Variants in TRPC3 observed in about 807,000 individuals in gnomAD.
TRPC3 encodes the protein transient receptor potential cation channel subfamily C member 3.
TRPC3 carries 54 observed loss-of-function variants against 90.9 expected under a neutral mutation model. The observed-to-expected ratio is 0.59, with a 90% confidence interval of 0.48 to 0.75. The LOEUF is 0.75. Among genes scored for constraint, TRPC3 ranks in the 30% least tolerant of loss-of-function variants. The pLI, the probability that TRPC3 is intolerant of heterozygous loss-of-function variation, is 0.00. For missense variants in TRPC3, 918 were observed against 1,194.5 expected (o/e 0.77, Z 3.41); for synonymous variants, 424 against 450.9 (o/e 0.94, Z 0.75).
intron 11 of TRPC3, among the ~76,000 whole-genome samples, chr4:121,881,401 C>G (rs992892478): frequency 1.3e-5 from 2 of 151,990 alleles, no homozygotes; most frequent in Non-Finnish European, 2.9e-5. Context: ...CTCTCCACCC[C>G]CCATGGAGAT....
At chr4:121,947,462 AC>A (rs1484830597) in intron 1 of TRPC3, among the ~76,000 whole-genome samples, 1 of 152,064 alleles carries the variant, frequency 6.6e-6, no homozygotes, top group African/African-American at 2.4e-5. Flanking sequence ...TTTATACAAG[AC>A]CAGTGCCACA....
chr4:121,917,008 C>G (rs755199919), intron 3 of TRPC3, among the ~76,000 whole-genome samples: 15 of 152,140 alleles, frequency 9.9e-5, no homozygotes, highest in South Asian at 2.1e-4. Flanking sequence ...AGCCACCACG[C>G]CTGGCCGAGA....
At chr4:121,897,453 C>CAAAAAAAAAAAAAAAAAAAAAAAAAA (rs70950860) in intron 10 of TRPC3, among the ~76,000 whole-genome samples, 2 of 43,434 alleles carry the variant, frequency 4.6e-5, no homozygotes, top group African/African-American at 9.0e-5. Flanking sequence ...ATCTCAACAG[C>CAAAAAAAAAAAAAAAAAAAAAAAAAA]AAAAAAAAAA....
chr4:121,934,998 C>T (rs1730081906), intron 1 of TRPC3, among the ~76,000 whole-genome samples: 1 of 152,156 alleles, frequency 6.6e-6, no homozygotes, highest in African/African-American at 2.4e-5. Context: ...GTTTTATATA[C>T]ACATATGTGT....
chr4:121,911,910 A>T lies in TRPC3; in HGVS notation c.1525T>A (p.Trp509Arg). 1 of 1,613,802 alleles carries T rather than the reference A, an allele frequency of 6.2e-7. No homozygotes were observed. The highest frequency in any genetic ancestry group is 8.5e-7 in the Non-Finnish European group (1 of 1,179,758). Residue 509 changes from tryptophan (W) to arginine (R), a missense_variant, in exon 5 of 12, where the codon TGG becomes AGG. Physicochemically the swap from Trp to Arg is moderately radical, Grantham distance 101. Around this residue, in one of 4 missense-constraint regions of TRPC3, gnomAD observed 609 missense variants for 725.9 expected, o/e 0.84. Coordinates refer to ENST00000379645, the MANE Select transcript of TRPC3 (RefSeq NM_001130698.2). Reference sequence around the variant, plus strand: ...CAGACCATAATTAGCATTTCAGTCCATGTAAACTGGGTGGTTTTCACCCTG... The same window carrying T: ...CAGACCATAATTAGCATTTCAGTCCTTGTAAACTGGGTGGTTTTCACCCTG... ...IFRVKTTQFTWTEMLIMVWVL... is the reference protein window; with the variant it reads ...IFRVKTTQFTRTEMLIMVWVL...
In TRPC3 at chr4:121,951,697, C is replaced by T; in HGVS notation, c.-17G>A. On this transcript the variant is annotated 5_prime_UTR_variant, in exon 1 of 12. Coordinates refer to ENST00000379645, the MANE Select transcript of TRPC3 (RefSeq NM_001130698.2). The surrounding 1 kb of genome is among the most constrained non-coding windows in gnomAD (Gnocchi z 4.4). ...GGTGGACATCGCGCCGGCTGCGGTC[C>T]GAGTGTGGGGGTGCCGGCTGCCGGC... The T allele has an allele frequency of 1.5e-6, 2 of 1,304,742 alleles. No individual in the cohort carries two copies. The allele number at this position is 1,304,742 out of a possible 1,614,324, so 80.8% of individuals were successfully genotyped here. A position where few individuals can be genotyped will look rare whatever the true frequency, so the allele number is the denominator to read the frequency against.
At chr4:121,883,986 T>C (rs1286034092) in intron 10 of TRPC3, among the ~76,000 whole-genome samples, 1 of 152,166 alleles carries the variant, frequency 6.6e-6, no homozygotes, top group Non-Finnish European at 1.5e-5. Flanking sequence ...CAACAATGTT[T>C]GTAGCAACCC....
At chr4:121,880,598 T>C (rs1459163485) in intron 11 of TRPC3, among the ~76,000 whole-genome samples, 1 of 152,048 alleles carries the variant, frequency 6.6e-6, no homozygotes. Flanking sequence ...CATACGTATA[T>C]TGCAATTAAA....
chr4:121,927,972 G>A (rs1026810995), intron 2 of TRPC3, among the ~76,000 whole-genome samples: 8 of 152,066 alleles, frequency 5.3e-5, no homozygotes, highest in Non-Finnish European at 1.2e-4. Flanking sequence ...TCCATATAAA[G>A]CTTCCCTTTT....
chr4:121,918,727 G>T (rs773035354), intron 3 of TRPC3, among the ~76,000 whole-genome samples: 1 of 151,882 alleles, frequency 6.6e-6, no homozygotes, highest in African/African-American at 2.4e-5. Flanking sequence ...GGATTCTGTC[G>T]ATTCCATTTA....
intron 10 of TRPC3, among the ~76,000 whole-genome samples, chr4:121,895,105 C>T (rs116708224): frequency 2.5e-3 from 376 of 152,018 alleles, no homozygotes; most frequent in African/African-American, 8.6e-3. Context: ...TTTTAATATT[C>T]CTTGAAATGA....
At chr4:121,882,211 A>G (rs1398636211) in intron 11 of TRPC3, 143 bp downstream of exon 11, 3 of 633,740 alleles carry the variant, frequency 4.7e-6, no homozygotes, top group Non-Finnish European at 7.9e-6. Context: ...AGTTTTAGAA[A>G]CGTAACATAA....
Position 121,939,466 on chromosome 4 carries a change from G to A in TRPC3, c.216-6424C>T, listed in dbSNP as rs184342382. ...CTCTCCCACTTCTGACAGCAAAGCC[G>A]TGATGCTTACTGTCCTGGGAGGACA... On this transcript the variant is annotated intron_variant, in intron 1 of 11. Coordinates refer to ENST00000379645, the MANE Select transcript of TRPC3 (RefSeq NM_001130698.2). 3.2e-3 allele frequency among the ~76,000 whole-genome samples: 482 copies of A among 152,332 alleles called. 4 individuals carry two copies. The highest frequency in any genetic ancestry group is 0.011 in the African/African-American group (451 of 41,576).
At chr4:121,904,249 G>T in intron 8 of TRPC3, 73 bp downstream of exon 8, 1 of 1,365,868 alleles carries the variant, frequency 7.3e-7, no homozygotes, top group Non-Finnish European at 1.0e-6. Context: ...CTCAGCCACA[G>T]GGTACAGAAG....
intron 2 of TRPC3, among the ~76,000 whole-genome samples, chr4:121,930,176 G>A (rs546590245): frequency 9.2e-5 from 14 of 152,230 alleles, no homozygotes; most frequent in African/African-American, 3.4e-4. Flanking sequence ...ATTGAGTTAG[G>A]GGAGAGAGAC....
At chr4:121,928,198 T>C (rs1410046524) in intron 2 of TRPC3, among the ~76,000 whole-genome samples, 1 of 152,180 alleles carries the variant, frequency 6.6e-6, no homozygotes, top group East Asian at 1.9e-4. Context: ...CTGTTTAGTT[T>C]TAAGGAAAGC....
rs1401707343 is a variant in TRPC3, at chr4:121,951,175, C to G, written c.215+291G>C. 1.3e-5 allele frequency among the ~76,000 whole-genome samples: 2 copies of G among 152,204 alleles called. No individual in the cohort carries two copies. The highest frequency in any genetic ancestry group is 2.9e-5 in the Non-Finnish European group (2 of 68,032). On this transcript the variant is annotated intron_variant, in intron 1 of 11. Transcript: ENST00000379645. The surrounding 1 kb of genome is among the most constrained non-coding windows in gnomAD (Gnocchi z 4.4). Reference sequence around the variant, plus strand: ...CAGGGAGTGGCTGCTCGCCAGGATGCTTGTCTGAAGTCAGTGTGCCCGCCT... The same window carrying G: ...CAGGGAGTGGCTGCTCGCCAGGATGGTTGTCTGAAGTCAGTGTGCCCGCCT...
chr4:121,940,889 T>A (rs994564821), intron 1 of TRPC3, among the ~76,000 whole-genome samples: 5 of 152,230 alleles, frequency 3.3e-5, no homozygotes, highest in African/African-American at 1.2e-4. Flanking sequence ...CTTGACATAT[T>A]ATCTCTACTG....
intron 10 of TRPC3, among the ~76,000 whole-genome samples, chr4:121,883,809 C>T (rs1292832894): frequency 6.6e-6 from 1 of 152,148 alleles, no homozygotes; most frequent in Admixed American, 6.5e-5. Context: ...GGGCTCAACG[C>T]TGTCCTCCTG....
Sources: allele counts gnomAD v4.1 joint callset (sites outside exome capture counted in the v4.1 genomes callset), GRCh38; gene constraint gnomAD v4.1.1; regional missense constraint gnomAD v4.1.1; non-coding constraint Gnocchi (gnomAD v3.1); transcripts MANE v1.5; gene names NCBI Gene and HGNC (gene_info 2026-07-23, HGNC 2026-07-21).